The following ANLN variants were observed in gnomAD, a reference collection of about 807,000 sequenced individuals.
The protein encoded by ANLN is anillin, actin binding protein.
In ANLN, 59 loss-of-function variants were observed where a neutral mutation model predicts 135.1. That is an observed-to-expected ratio of 0.44 (90% CI 0.35 to 0.54). The LOEUF (loss-of-function observed/expected upper bound fraction) is 0.54. ANLN is among the 20% of genes least tolerant of loss of function. The probability of loss-of-function intolerance (pLI) is 0.00; values close to 1 mark genes in which losing one functional copy is unlikely to be tolerated. For synonymous variants in ANLN, 406 were observed against 456.4 expected, an observed-to-expected ratio of 0.89 and a Z score of 1.41; for missense variants, 1,182 against 1,340.0, an observed-to-expected ratio of 0.88 and a Z score of 1.84.
rs1399632240 is a variant in ANLN, at chr7:36,446,208, A to G, written c.3078+2346A>G. Among the ~76,000 whole-genome samples, 8 of 152,310 alleles carry G rather than the reference A, an allele frequency of 5.3e-5. No homozygotes were observed. In the East Asian group the frequency reaches 1.5e-3, roughly 29 times the overall value. Reference sequence around the variant, plus strand: ...ATTGCTTTGTGCTTTTTAGGGTCTAATTTAAGAAACTATCCTTATCCTGGA... The same window carrying G: ...ATTGCTTTGTGCTTTTTAGGGTCTAGTTTAAGAAACTATCCTTATCCTGGA... On this transcript the variant is annotated intron_variant, in intron 22 of 23. Coordinates refer to ENST00000265748, the MANE Select transcript of ANLN (RefSeq NM_018685.5).
chr7:36,416,576 T>A (rs535535419), intron 8 of ANLN, among the ~76,000 whole-genome samples: 1 of 152,196 alleles, frequency 6.6e-6, no homozygotes, highest in Non-Finnish European at 1.5e-5. Flanking sequence ...GTACCTTCCT[T>A]CTATTCCTAG....
intron 20 of ANLN, among the ~76,000 whole-genome samples, chr7:36,437,828 A>G (rs575857284): frequency 2.6e-5 from 4 of 152,144 alleles, no homozygotes; most frequent in Admixed American, 6.5e-5. Context: ...CTGGAGTGCA[A>G]TGGCACAATC....
intron 21 of ANLN, among the ~76,000 whole-genome samples, chr7:36,441,230 ACGTCTCACCTAATTAGT>A (rs1176570455): frequency 6.6e-6 from 1 of 152,186 alleles, no homozygotes. Flanking sequence ...TTTGCATATA[ACGTCTCACCTAATTAGT>A]TTTTTAGATG....
intron 5 of ANLN, among the ~76,000 whole-genome samples, chr7:36,409,463 G>A (rs1238671989): frequency 1.3e-5 from 2 of 152,046 alleles, no homozygotes; most frequent in Admixed American, 6.5e-5. Flanking sequence ...TTGTGACAGA[G>A]GCCATATGGC....
intron 23 of ANLN, 88 bp downstream of exon 23, chr7:36,449,925 C>G: frequency 7.5e-7 from 1 of 1,333,156 alleles, no homozygotes; most frequent in African/African-American, 1.5e-5. Flanking sequence ...CACAGATGGT[C>G]CTTGACGTTG....
chr7:36,410,818 T>C, intron 6 of ANLN, 114 bp downstream of exon 6: 1 of 1,135,570 alleles, frequency 8.8e-7, no homozygotes. Flanking sequence ...ATCTTGGTTT[T>C]CTGTATCACT....
chr7:36,428,337 C>T (rs1331875768), intron 20 of ANLN: 2 of 1,283,986 alleles, frequency 1.6e-6, no homozygotes, highest in Non-Finnish European at 2.0e-6. Flanking sequence ...GCGAGAGCTA[C>T]TGGGCTATTT....
intron 22 of ANLN, among the ~76,000 whole-genome samples, chr7:36,446,981 C>G: frequency 6.6e-6 from 1 of 152,120 alleles, no homozygotes; most frequent in Admixed American, 6.5e-5. Context: ...CCCCCTTATC[C>G]TTAGTGGACG....
At chr7:36,437,027 T>G (rs1230703411) in intron 20 of ANLN, among the ~76,000 whole-genome samples, 2 of 152,200 alleles carry the variant, frequency 1.3e-5, no homozygotes, top group African/African-American at 4.8e-5. Flanking sequence ...TTGAAGAAAT[T>G]TTTAAGTATA....
At chr7:36,398,316 A>G (rs1363707156) in intron 2 of ANLN, among the ~76,000 whole-genome samples, 8 of 152,320 alleles carry the variant, frequency 5.3e-5, no homozygotes, top group African/African-American at 1.9e-4. Context: ...TCCTGTCGTA[A>G]TCCTAAACCT....
intron 21 of ANLN, among the ~76,000 whole-genome samples, chr7:36,441,314 C>T (rs1788762597): frequency 6.6e-6 from 1 of 152,138 alleles, no homozygotes; most frequent in Non-Finnish European, 1.5e-5. Flanking sequence ...AATCCTGTAG[C>T]CCATTCTTCT....
At chr7:36,416,715 A>G (rs1258998610) in intron 8 of ANLN, among the ~76,000 whole-genome samples, 1 of 152,130 alleles carries the variant, frequency 6.6e-6, no homozygotes, top group Non-Finnish European at 1.5e-5. Context: ...GGGAAACTGG[A>G]AAAACAAACA....
chr7:36,442,775 A>G (rs1704374004), intron 21 of ANLN, among the ~76,000 whole-genome samples: 1 of 151,782 alleles, frequency 6.6e-6, no homozygotes, highest in South Asian at 2.1e-4. Context: ...GAGACTACAG[A>G]TGCTCACCGC....
At chr7:36,415,942 G>A in intron 8 of ANLN, 58 bp downstream of exon 8, 2 of 1,384,458 alleles carry the variant, frequency 1.4e-6, no homozygotes, top group East Asian at 2.4e-5. Context: ...ATGTTTGTGT[G>A]TTGATTTTGT....
intron 7 of ANLN, among the ~76,000 whole-genome samples, chr7:36,412,491 G>A (rs370334420): frequency 6.6e-6 from 1 of 151,606 alleles, no homozygotes; most frequent in East Asian, 1.9e-4. Flanking sequence ...ACCACACTTG[G>A]CTAATTTTGT....
chr7:36,403,479 A>G (rs1321247267), intron 3 of ANLN: 8 of 152,232 alleles, frequency 5.3e-5, no homozygotes, highest in African/African-American at 1.9e-4. Context: ...TATTTTAGAG[A>G]TGTCAAGAAA....
intron 4 of ANLN, 41 bp downstream of exon 4, chr7:36,406,607 T>C (rs370198254): frequency 4.5e-4 from 664 of 1,468,260 alleles, no homozygotes; most frequent in Non-Finnish European, 5.6e-4. Context: ...CCTTTTCTTT[T>C]TTCGTTATGA....
intron 4 of ANLN, among the ~76,000 whole-genome samples, chr7:36,407,107 G>A (rs62445297): frequency 0.13 from 19,476 of 152,080 alleles, 1,274 homozygotes; most frequent in East Asian, 0.19. Context: ...AAATAATTTC[G>A]TGTTTCTGAC....
intron 2 of ANLN, among the ~76,000 whole-genome samples, chr7:36,396,958 A>T (rs552311111): frequency 5.9e-5 from 9 of 152,246 alleles, no homozygotes; most frequent in African/African-American, 1.9e-4. Flanking sequence ...CACAAACAAA[A>T]ACTCACCTGT....
Sources: gnomAD v4.1 joint callset for allele counts (sites outside exome capture counted in the v4.1 genomes callset) on GRCh38, gnomAD v4.1.1 for gene constraint, MANE v1.5 for transcripts, NCBI Gene and HGNC (gene_info 2026-07-23, HGNC 2026-07-21) for gene names.